The following SCUBE1 variants were observed in gnomAD, a reference collection of about 807,000 sequenced individuals.
SCUBE1 encodes the protein signal peptide, CUB domain and EGF like domain containing 1.
In SCUBE1, 59 loss-of-function variants were observed where a neutral mutation model predicts 124.4. That is an observed-to-expected ratio of 0.47 (90% CI 0.38 to 0.59). The LOEUF is 0.59. SCUBE1 is among the 20% of genes least tolerant of loss of function. The pLI is 0.00. For synonymous variants in SCUBE1, 545 were observed against 550.9 expected (o/e 0.99, Z 0.15); for missense variants, 1,150 against 1,371.2 (o/e 0.84, Z 2.55).
intron 3 of SCUBE1, among the ~76,000 whole-genome samples, chr22:43,312,568 G>A (rs1160479951): frequency 6.6e-6 from 1 of 152,196 alleles, no homozygotes; most frequent in Non-Finnish European, 1.5e-5. Flanking sequence ...GGGTGCTGGA[G>A]CGGAGGGCTC....
intron 4 of SCUBE1, among the ~76,000 whole-genome samples, chr22:43,287,683 A>G (rs1425679116): frequency 6.6e-6 from 1 of 152,260 alleles, no homozygotes; most frequent in Non-Finnish European, 1.5e-5. Context: ...GACAGGCATG[A>G]GGAAGAGTCA....
Position 43,319,992 on chromosome 22 carries a change from G to C in SCUBE1, c.294C>G (p.Tyr98Ter). 1 of 1,614,166 alleles carries C rather than the reference G, an allele frequency of 6.2e-7. No individual in the cohort carries two copies. Among genetic ancestry groups the C allele is most frequent in the Admixed American group, 1.7e-5 (1 of 60,024 alleles). ...TGAAGCCATCAAAGCAGGTACACCT[G>C]TAGTTCCCCGGGATGTTGATGCACT... ...VHECINIPGN[Y>*]RCTCFDGFML... Residue 98 changes from tyrosine to a stop codon, truncating the protein, a stop_gained, in exon 3 of 22, where the codon TAC (tyrosine) becomes TAG (stop). Coordinates refer to ENST00000360835, the MANE Select transcript of SCUBE1 (RefSeq NM_173050.5). LOFTEE classifies it high-confidence loss of function.
intron 4 of SCUBE1, among the ~76,000 whole-genome samples, chr22:43,277,783 A>G (rs1015252779): frequency 3.3e-5 from 5 of 152,230 alleles, no homozygotes; most frequent in Non-Finnish European, 7.3e-5. Flanking sequence ...CGGGCTCTAC[A>G]TGAGGCGATG....
At chr22:43,333,089 T>C (rs2146798295) in intron 2 of SCUBE1, among the ~76,000 whole-genome samples, 1 of 152,238 alleles carries the variant, frequency 6.6e-6, no homozygotes, top group African/African-American at 2.4e-5. Context: ...TGGCATGGGC[T>C]AAAATGGTGG....
At chr22:43,325,864 G>A (rs575753076) in intron 2 of SCUBE1, among the ~76,000 whole-genome samples, 14 of 151,940 alleles carry the variant, frequency 9.2e-5, no homozygotes, top group African/African-American at 2.4e-4. Context: ...GGCAGCGTGC[G>A]CACACACAAC....
intron 4 of SCUBE1, among the ~76,000 whole-genome samples, chr22:43,277,476 C>T (rs898907889): frequency 2.0e-5 from 3 of 152,196 alleles, no homozygotes; most frequent in Non-Finnish European, 2.9e-5. Context: ...GACAGGGGCT[C>T]CTTGTGTCAC....
At chr22:43,324,818 T>G (rs1423398590) in intron 2 of SCUBE1, among the ~76,000 whole-genome samples, 1 of 151,332 alleles carries the variant, frequency 6.6e-6, no homozygotes, top group Non-Finnish European at 1.5e-5. Context: ...TGGATGTTTA[T>G]TCTTAAAGGG....
chr22:43,206,176 C>T (rs186131312), intron 21 of SCUBE1, among the ~76,000 whole-genome samples: 6 of 140,414 alleles, frequency 4.3e-5, no homozygotes, highest in African/African-American at 1.1e-4. Context: ...ACACCACACA[C>T]CCACCACACC....
chr22:43,261,415 A>C (rs534911732), intron 5 of SCUBE1, among the ~76,000 whole-genome samples: 21 of 152,328 alleles, frequency 1.4e-4, no homozygotes, highest in African/African-American at 4.8e-4. Flanking sequence ...CCTGGGACAG[A>C]AGGAAGCACC....
intron 4 of SCUBE1, among the ~76,000 whole-genome samples, chr22:43,279,353 G>C (rs1259632759): frequency 5.3e-5 from 8 of 152,216 alleles, no homozygotes; most frequent in African/African-American, 1.9e-4. Context: ...TGCATATGCT[G>C]TGCAGGGCCT....
intron 21 of SCUBE1, among the ~76,000 whole-genome samples, chr22:43,206,561 G>T (rs1006913822): frequency 6.6e-6 from 1 of 152,142 alleles, no homozygotes; most frequent in African/African-American, 2.4e-5. Flanking sequence ...TGCAAAGGGT[G>T]TGCCCAGGTC....
chr22:43,253,468 A>G (rs1396018515), intron 6 of SCUBE1, among the ~76,000 whole-genome samples: 1 of 152,138 alleles, frequency 6.6e-6, no homozygotes, highest in Non-Finnish European at 1.5e-5. Flanking sequence ...GGGGCAGGAC[A>G]AGCTCTAAGG....
In SCUBE1 at chr22:43,204,112, G is replaced by A. The variant is rs1205642892; in HGVS notation, c.2852C>T (p.Ala951Val). 5 of 1,613,980 alleles carry A rather than the reference G, an allele frequency of 3.1e-6. No individual in the cohort carries two copies. Among genetic ancestry groups the A allele is most frequent in the Non-Finnish European group, 3.4e-6 (4 of 1,179,988 alleles). The change falls in exon 22 of 22, where the codon GCG becomes GTG. Residue 951 changes from alanine to valine, a missense_variant. Physicochemically the swap from Ala to Val is moderately conservative, Grantham distance 64. Transcript: ENST00000360835. ...GTACTTGAAGTAGTTCTGGGGATGC[G>A]CCAGCACGTCGAAGAGGGCCTTGAT... ...KLIKALFDVL[A>V]HPQNYFKYTA... is the part of the protein sequence containing the mutation.
chr22:43,204,091 T>G lies in SCUBE1; in HGVS notation c.2873A>C (p.Lys958Thr). The change falls in exon 22 of 22, where the codon AAG (lysine) becomes ACG (threonine). Residue 958 changes from lysine to threonine, a missense_variant. Physicochemically the swap from Lys to Thr is moderately conservative, Grantham distance 78. This residue lies in a region of SCUBE1 where 757 missense variants were observed against 840.9 expected (regional missense o/e 0.90). Coordinates refer to ENST00000360835, the MANE Select transcript of SCUBE1 (RefSeq NM_173050.5). ...DVLAHPQNYF[K>T]YTAQESKEMF... ...CTCCTTGGATTCCTGGGCTGTGTAC[T>G]TGAAGTAGTTCTGGGGATGCGCCAG... is the stretch of plus-strand genomic sequence containing the variant. 3.1e-6 allele frequency: 5 copies of G among 1,614,076 alleles called. No individual in the cohort carries two copies. The highest frequency in any genetic ancestry group is 4.2e-6 in the Non-Finnish European group (5 of 1,180,006).
At chr22:43,252,003 T>C (rs1923469745) in intron 6 of SCUBE1, among the ~76,000 whole-genome samples, 1 of 152,226 alleles carries the variant, frequency 6.6e-6, no homozygotes, top group African/African-American at 2.4e-5. Context: ...CATGTAAGTC[T>C]CCCAGATAAT....
At chr22:43,233,787 C>T (rs1035353132) in intron 7 of SCUBE1, among the ~76,000 whole-genome samples, 2 of 152,154 alleles carry the variant, frequency 1.3e-5, no homozygotes, top group African/African-American at 2.4e-5. Flanking sequence ...AAGCAGTGTT[C>T]CCAGGCAACA....
chr22:43,323,769 A>G (rs746556576), intron 2 of SCUBE1, among the ~76,000 whole-genome samples: 2 of 152,214 alleles, frequency 1.3e-5, no homozygotes, highest in African/African-American at 4.8e-5. Context: ...CCAAACTTCT[A>G]TTAACTCACT....
chr22:43,261,858 C>G (rs956759979), intron 5 of SCUBE1, among the ~76,000 whole-genome samples: 1 of 152,168 alleles, frequency 6.6e-6, no homozygotes, highest in African/African-American at 2.4e-5. Flanking sequence ...TTTGGGTATC[C>G]CTGGTGCCCT....
intron 7 of SCUBE1, 74 bp downstream of exon 7, chr22:43,238,764 G>A (rs755019440): frequency 1.4e-5 from 18 of 1,241,818 alleles, no homozygotes; most frequent in South Asian, 6.0e-5. Flanking sequence ...CCCTGGGCCC[G>A]GCTATGCAAG....
Sources: allele counts gnomAD v4.1 joint callset (sites outside exome capture counted in the v4.1 genomes callset), GRCh38; gene constraint gnomAD v4.1.1; regional missense constraint gnomAD v4.1.1; transcripts MANE v1.5; gene names NCBI Gene and HGNC (gene_info 2026-07-23, HGNC 2026-07-21).